Variants in ST18 observed in about 807,000 individuals in gnomAD.
ST18 encodes the protein suppression of tumorigenicity 18 protein.
A neutral mutation model predicts 110.0 loss-of-function variants in ST18; 50 were observed. That is an observed-to-expected ratio of 0.45 (90% CI 0.36 to 0.58). The LOEUF is 0.58. Among genes scored for constraint, ST18 ranks in the 20% least tolerant of loss-of-function variants. The pLI is 0.00. For missense variants in ST18, 1,306 were observed against 1,280.1 expected (o/e 1.02, Z -0.31); for synonymous variants, 461 against 452.4 (o/e 1.02, Z -0.24).
At chr8:52,347,980 T>A (rs1470262965) in intron 2 of ST18, among the ~76,000 whole-genome samples, 1 of 152,210 alleles carries the variant, frequency 6.6e-6, no homozygotes, top group East Asian at 1.9e-4. Context: ...TATAGATGTG[T>A]ACCACCATTT....
chr8:52,364,156 G>A (rs1826887791), intron 2 of ST18, among the ~76,000 whole-genome samples: 1 of 152,180 alleles, frequency 6.6e-6, no homozygotes, highest in Admixed American at 6.5e-5. Context: ...AAAGGCTGCA[G>A]CAAAGTTTCA....
intron 2 of ST18, among the ~76,000 whole-genome samples, chr8:52,269,246 G>T (rs6996703): frequency 0.056 from 8,600 of 152,244 alleles, 821 homozygotes; most frequent in African/African-American, 0.2. Context: ...CCATTCTGAT[G>T]AATTTTGTTG....
In ST18 at chr8:52,127,019, A is replaced by G. The variant is rs1272291836; in HGVS notation, c.2667-879T>C. ...GTGTTTTCGTAGAAACAATTTTTAG[A>G]TCAAAATAGTGATGATCATAATCAG... On this transcript the variant is annotated intron_variant, in intron 22 of 25. Transcript: ENST00000689386. 2.6e-5 allele frequency among the ~76,000 whole-genome samples: 4 copies of G among 152,238 alleles called. No individual in the cohort carries two copies. The East Asian group carries it at 7.7e-4, about 29-fold the overall frequency.
At chr8:52,376,716 C>G (rs1014728886) in intron 2 of ST18, among the ~76,000 whole-genome samples, 4 of 152,114 alleles carry the variant, frequency 2.6e-5, no homozygotes, top group Non-Finnish European at 5.9e-5. Context: ...GCCCGGTACA[C>G]AGTGAGCATT....
At chr8:52,309,452 T>C (rs1286748662) in intron 2 of ST18, among the ~76,000 whole-genome samples, 1 of 132,894 alleles carries the variant, frequency 7.5e-6, no homozygotes, top group Non-Finnish European at 1.5e-5. Context: ...ACCTGGGAAG[T>C]GGAGTTTGCA....
intron 10 of ST18, among the ~76,000 whole-genome samples, chr8:52,171,349 C>T (rs893322393): frequency 6.6e-6 from 1 of 152,200 alleles, no homozygotes; most frequent in African/African-American, 2.4e-5. Context: ...CTCATAAACG[C>T]ATTAACATCT....
chr8:52,117,833 G>T (rs1371728654), intron 24 of ST18, among the ~76,000 whole-genome samples: 1 of 152,188 alleles, frequency 6.6e-6, no homozygotes, highest in African/African-American at 2.4e-5. Context: ...ATTTCCAGGA[G>T]ATGAGGCAGA....
At chr8:52,234,750 TG>T (rs2092347120) in intron 2 of ST18, among the ~76,000 whole-genome samples, 2 of 152,082 alleles carry the variant, frequency 1.3e-5, no homozygotes, top group South Asian at 2.1e-4. Flanking sequence ...TGTGTGTGTG[TG>T]TGTGTGTGTG....
In ST18 at chr8:52,381,974, C is replaced by CAA. The variant is rs869193937; in HGVS notation, c.-465+27352_-465+27353dup. ...AAGAGCTATATGCTGCATTAAAAAA[C>CAA]AAAAAAAAACAAAAAAACAAAGTTA... On this transcript the variant is annotated intron_variant, in intron 2 of 25. Transcript: ENST00000689386. Among the ~76,000 whole-genome samples, 183 of 49,428 alleles carry CAA rather than the reference C, an allele frequency of 3.7e-3. 3 individuals carry two copies. The highest frequency in any genetic ancestry group is 5.8e-3 in the African/African-American group (178 of 30,462). The allele number at this position is 49,428 out of a possible 152,430, so 32.4% of individuals were successfully genotyped here.
chr8:52,391,421 C>A (rs1839290789), intron 2 of ST18, among the ~76,000 whole-genome samples: 1 of 152,150 alleles, frequency 6.6e-6, no homozygotes, highest in Admixed American at 6.5e-5. Flanking sequence ...GGAGTGCAAA[C>A]AAATTGCCAT....
intron 2 of ST18, chr8:52,393,832 G>A (rs1049820558): frequency 6.8e-6 from 1 of 147,076 alleles, no homozygotes; most frequent in African/African-American, 2.5e-5. Context: ...GCAGTGAGCT[G>A]AGACTGTGCC....
At chr8:52,125,767 G>T (rs1047293897) in intron 23 of ST18, 37 of 342,614 alleles carry the variant, frequency 1.1e-4, no homozygotes, top group African/African-American at 7.4e-4. Context: ...TGGGATTACA[G>T]GCGTGAGCCA....
At chr8:52,313,483 T>A (rs1308995556) in intron 2 of ST18, 2 of 164,818 alleles carry the variant, frequency 1.2e-5, no homozygotes, top group Non-Finnish European at 2.7e-5. Context: ...TATGACAGTA[T>A]GTCCAATGCT....
rs1204585478 is a variant in ST18 at position 52,166,880 on chromosome 8, G to A, written c.1176C>T (p.Cys392=). The A allele has an allele frequency of 6.3e-7, 1 of 1,595,426 alleles. No homozygotes were observed. Among genetic ancestry groups the A allele is most frequent in the African/African-American group, 1.3e-5 (1 of 74,720 alleles). The change falls in exon 11 of 26, where the codon TGC becomes TGT. Residue 392 remains cysteine, a synonymous_variant. Coordinates refer to ENST00000689386, the MANE Select transcript of ST18 (RefSeq NM_001352837.2). The part of the protein sequence containing the change: ...LYPHHRSLSG[C]PHKVRVPLEI... The stretch of plus-strand genomic sequence containing the variant: ...CCAGGGGAACCCGCACTTTGTGGGG[G>A]CACCCCGAAAGGCTGCGGTGGTGCG...
intron 8 of ST18, among the ~76,000 whole-genome samples, chr8:52,197,114 T>A (rs1327033975): frequency 6.6e-6 from 1 of 152,246 alleles, no homozygotes; most frequent in Non-Finnish European, 1.5e-5. Context: ...ACTTCGGCTC[T>A]CAGTGTTGAA....
chr8:52,273,506 T>A (rs1439508040), intron 2 of ST18, among the ~76,000 whole-genome samples: 2 of 152,150 alleles, frequency 1.3e-5, no homozygotes, highest in Non-Finnish European at 2.9e-5. Flanking sequence ...CTCAGAATAT[T>A]CCACAATTCC....
At chr8:52,172,666 CAT>C (rs2065389047) in intron 9 of ST18, 83 bp from the exon 10 acceptor site, 5 of 1,073,462 alleles carry the variant, frequency 4.7e-6, no homozygotes, top group Middle Eastern at 3.0e-4. Flanking sequence ...TGTATATAAA[CAT>C]ATGCATTCAC....
intron 2 of ST18, among the ~76,000 whole-genome samples, chr8:52,245,377 GTT>G (rs2093760929): frequency 2.0e-5 from 3 of 151,872 alleles, no homozygotes; most frequent in Admixed American, 2.0e-4. Flanking sequence ...GGGTAACTAA[GTT>G]TTATCTCATG....
intron 2 of ST18, among the ~76,000 whole-genome samples, chr8:52,331,071 G>A (rs1031646591): frequency 6.6e-6 from 1 of 152,094 alleles, no homozygotes; most frequent in Non-Finnish European, 1.5e-5. Context: ...TGCAGTTGCT[G>A]TGCAACTGCT....
Sources: gnomAD v4.1 joint callset for allele counts (sites outside exome capture counted in the v4.1 genomes callset) on GRCh38, gnomAD v4.1.1 for gene constraint, MANE v1.5 for transcripts, NCBI Gene and HGNC (gene_info 2026-07-23, HGNC 2026-07-21) for gene names.